Variants in NUP153 observed in about 807,000 individuals in gnomAD.
NUP153 encodes nuclear pore complex protein Nup153.
A neutral mutation model predicts 134.6 loss-of-function variants in NUP153; 27 were observed. The observed-to-expected ratio is 0.20, with a 90% confidence interval of 0.15 to 0.28. The LOEUF is 0.28. Ranked by LOEUF, NUP153 falls within the 10% of genes least tolerant of loss-of-function variation. NUP153 has a pLI of 1.00. For missense variants in NUP153, 1,821 were observed against 1,731.3 expected (o/e 1.05, Z -0.92); for synonymous variants, 640 against 623.5 (o/e 1.03, Z -0.40).
In NUP153 at chr6:17,675,273, T is replaced by G. The variant is rs1357418439; in HGVS notation, c.679A>C (p.Lys227Gln). The G allele has an allele frequency of 1.9e-6, 3 of 1,614,084 alleles. No individual in the cohort carries two copies. Among genetic ancestry groups the G allele is most frequent in the Non-Finnish European group, 2.5e-6 (3 of 1,180,054 alleles). Residue 227 changes from lysine to glutamine, a missense_variant, in exon 4 of 22, where the codon AAA (lysine) becomes CAA (glutamine). Transcript: ENST00000262077. The surrounding 1 kb of genome is among the most constrained non-coding windows in gnomAD (Gnocchi z 4.4). ...SLSQHTATSS[K>Q]KPAFNLSAFG... ...GCAGACAAGTTGAATGCTGGTTTTT[T>G]TGAGCTGGTGGCAGTGTGCTGTGAG... is the stretch of plus-strand genomic sequence containing the variant.
chr6:17,675,045 CAG>C lies in NUP153; in HGVS notation c.724-14_724-13del. The C allele has an allele frequency of 1.2e-6, 2 of 1,611,636 alleles. No homozygotes were observed. The highest frequency in any genetic ancestry group is 1.7e-6 in the Non-Finnish European group (2 of 1,179,280). ...GAATTCCCAAGTGACTGCACAGAAA[CAG>C]AATGATAAATTATAAGCCATATGAA... On this transcript the variant is annotated splice_polypyrimidine_tract_variant and intron_variant, in intron 4 of 21. Transcript: ENST00000262077. The surrounding 1 kb of genome is among the most constrained non-coding windows in gnomAD (Gnocchi z 4.4).
rs547007017 is a variant in NUP153, at chr6:17,691,660, G to A, written c.112-3042C>T. On this transcript the variant is annotated intron_variant, in intron 1 of 21. Transcript: ENST00000262077. ...CATGCCTGTAATCCCAGTTACTAGA[G>A]AGGCTGAGGCAGGAGAATCGCTTGA... 7.5e-4 allele frequency among the ~76,000 whole-genome samples: 114 copies of A among 152,186 alleles called. 2 individuals carry two copies. The South Asian group carries it at 0.022, about 30-fold the overall frequency.
intron 14 of NUP153, among the ~76,000 whole-genome samples, chr6:17,643,517 C>A (rs887177501): frequency 6.6e-6 from 1 of 152,062 alleles, no homozygotes; most frequent in Non-Finnish European, 1.5e-5. Context: ...TACAACTATG[C>A]CAAAACAAAC....
In NUP153 at chr6:17,641,130, C is replaced by T. The variant is rs114996770; in HGVS notation, c.1721-1066G>A. Among the ~76,000 whole-genome samples, 887 of 152,098 alleles carry T rather than the reference C, an allele frequency of 5.8e-3. 3 individuals are homozygous for T. The highest frequency in any genetic ancestry group is 0.02 in the African/African-American group (819 of 41,490). On this transcript the variant is annotated intron_variant, in intron 14 of 21. Coordinates refer to ENST00000262077, the MANE Select transcript of NUP153 (RefSeq NM_005124.4). ...GTTTTATCGTTATATTTTTAAGGGG[C>T]GATTTCTATTTACAGATAAAACTAA...
chr6:17,669,238 C>G, intron 7 of NUP153, 55 bp downstream of exon 7: 3 of 1,484,324 alleles, frequency 2.0e-6, no homozygotes, highest in Non-Finnish European at 1.9e-6. Context: ...ACCACCACAC[C>G]CGGCTAATTT....
intron 1 of NUP153, among the ~76,000 whole-genome samples, chr6:17,695,705 G>C (rs936094480): frequency 6.6e-6 from 1 of 152,132 alleles, no homozygotes; most frequent in Non-Finnish European, 1.5e-5. Flanking sequence ...TATTGGAAAG[G>C]AGACTATCAA....
chr6:17,705,731 G>A (rs1042588910), intron 1 of NUP153, among the ~76,000 whole-genome samples: 1 of 152,074 alleles, frequency 6.6e-6, no homozygotes. Flanking sequence ...ACAGGCAGGG[G>A]AAACCGAGAA....
Position 17,625,887 on chromosome 6 carries a change from G to T in NUP153, c.3822C>A (p.Val1274=), listed in dbSNP as rs148228850. Residue 1274 remains valine (V), a synonymous_variant, in exon 19 of 22, where the codon GTC becomes GTA. Transcript: ENST00000262077. This position sits in a 1 kb window ranked among gnomAD's most constrained non-coding sequence, Gnocchi z 4.7. ...SSTGTAVTPF[V]FGPGASSNNT... ...TATTACTGCTGGCTCCTGGACCAAA[G>T]ACAAATGGGGTGACAGCTGTACCTG... 71 of 1,614,102 alleles carry T rather than the reference G, an allele frequency of 4.4e-5. No homozygotes were observed. Among genetic ancestry groups the T allele is most frequent in the Non-Finnish European group, 5.7e-5 (67 of 1,180,056 alleles).
intron 2 of NUP153, among the ~76,000 whole-genome samples, chr6:17,687,689 T>C (rs543633926): frequency 6.6e-6 from 1 of 152,288 alleles, no homozygotes; most frequent in Admixed American, 6.5e-5. Context: ...TTTGAGACTT[T>C]AACATAGGGC....
At chr6:17,660,839 A>T (rs1561883245) in intron 11 of NUP153, among the ~76,000 whole-genome samples, 1 of 152,220 alleles carries the variant, frequency 6.6e-6, no homozygotes. Flanking sequence ...AAAATACTGC[A>T]CGTGTGCAGA....
intron 5 of NUP153, among the ~76,000 whole-genome samples, chr6:17,671,840 TC>T (rs1449399079): frequency 1.3e-5 from 2 of 152,110 alleles, no homozygotes; most frequent in African/African-American, 4.8e-5. Flanking sequence ...AAACCCTGTC[TC>T]TACTAAAAAT....
intron 1 of NUP153, among the ~76,000 whole-genome samples, chr6:17,692,301 G>C (rs1400310203): frequency 6.6e-6 from 1 of 152,210 alleles, no homozygotes; most frequent in Non-Finnish European, 1.5e-5. Flanking sequence ...GGAACAGTGA[G>C]ACAGAGACAT....
At chr6:17,621,131 T>C (rs541376062) in intron 20 of NUP153, among the ~76,000 whole-genome samples, 1 of 152,230 alleles carries the variant, frequency 6.6e-6, no homozygotes, top group African/African-American at 2.4e-5. Flanking sequence ...AACATCACTA[T>C]CATAAGGGAA....
At chr6:17,636,992 T>G (rs1561863794) in intron 16 of NUP153, among the ~76,000 whole-genome samples, 161 bp downstream of exon 16, 1 of 152,156 alleles carries the variant, frequency 6.6e-6, no homozygotes, top group Non-Finnish European at 1.5e-5. Context: ...AACATAAAGA[T>G]CTAGCTGCAA....
chr6:17,701,985 C>T (rs1581790362), intron 1 of NUP153, among the ~76,000 whole-genome samples: 2 of 150,002 alleles, frequency 1.3e-5, no homozygotes, highest in South Asian at 4.2e-4. Context: ...CATCCCGGGA[C>T]AAAAAGGGCA....
At chr6:17,647,502 G>T (rs779417315) in intron 13 of NUP153, among the ~76,000 whole-genome samples, 1 of 152,176 alleles carries the variant, frequency 6.6e-6, no homozygotes, top group African/African-American at 2.4e-5. Context: ...TCTTGGGTAT[G>T]ATAGCTGTAT....
Position 17,675,854 on chromosome 6 carries a change from T to C in NUP153, c.335-84A>G. 1 of 1,275,656 alleles carries C rather than the reference T, an allele frequency of 7.8e-7. No individual in the cohort carries two copies. 79.0% of individuals were successfully genotyped at this position (1,275,656 alleles called of 1,614,324 possible). A position where few individuals can be genotyped will look rare whatever the true frequency, so the allele number is the denominator to read the frequency against. ...ATGGTTTTTACTTTAAGAAAACACA[T>C]TACAGTATATAATAGCTTCAATTCA... is the stretch of plus-strand genomic sequence containing the variant. On this transcript the variant is annotated intron_variant, in intron 2 of 21. Coordinates refer to ENST00000262077, the MANE Select transcript of NUP153 (RefSeq NM_005124.4). This position sits in a 1 kb window ranked among gnomAD's most constrained non-coding sequence, Gnocchi z 4.4.
rs1253513867 is a variant in NUP153, at chr6:17,661,647, C to T, written c.1395+6G>A. The stretch of plus-strand genomic sequence containing the variant: ...ACCTCAAGAGTATATGAGTATACAA[C>T]CCTACCTCCTCCTCCAGAGGTTTAG... On this transcript the variant is annotated splice_donor_region_variant and intron_variant, in intron 11 of 21. Transcript: ENST00000262077. 8 of 1,612,992 alleles carry T rather than the reference C, an allele frequency of 5.0e-6. No homozygotes were observed. In the Admixed American group the frequency reaches 6.7e-5, roughly 13 times the overall value.
intron 2 of NUP153, among the ~76,000 whole-genome samples, chr6:17,679,478 A>G (rs1199332294): frequency 6.6e-6 from 1 of 152,234 alleles, no homozygotes; most frequent in African/African-American, 2.4e-5. Flanking sequence ...ACCTCTATGT[A>G]AATCCCAAAG....
Sources: gnomAD v4.1 joint callset for allele counts (sites outside exome capture counted in the v4.1 genomes callset) on GRCh38, gnomAD v4.1.1 for gene constraint, Gnocchi (gnomAD v3.1) non-coding constraint, MANE v1.5 for transcripts, NCBI Gene and HGNC (gene_info 2026-07-23, HGNC 2026-07-21) for gene names.